The following WDR41 variants were observed in gnomAD, a reference collection of about 807,000 sequenced individuals.
WDR41 encodes WD repeat-containing protein 41.
WDR41 carries 63 observed loss-of-function variants against 69.3 expected under a neutral mutation model. The ratio of observed to expected loss-of-function variants is 0.91; its 90% CI spans 0.74 to 1.12. The LOEUF (loss-of-function observed/expected upper bound fraction) is 1.12. Ranked by LOEUF, WDR41 falls within the 50% of genes most tolerant of loss-of-function variation. The pLI is 0.00. For synonymous variants in WDR41, 185 were observed against 192.1 expected (o/e 0.96, Z 0.31); for missense variants, 543 against 534.5 (o/e 1.02, Z -0.16).
chr5:77,510,831 G>A (rs947038364), intron 1 of WDR41, among the ~76,000 whole-genome samples: 30 of 147,328 alleles, frequency 2.0e-4, no homozygotes, highest in South Asian at 4.4e-4. Context: ...GAGTGCAGTG[G>A]CGTGATCTCG....
At chr5:77,539,576 G>A (rs1408180103) in intron 1 of WDR41, among the ~76,000 whole-genome samples, 2 of 152,128 alleles carry the variant, frequency 1.3e-5, no homozygotes, top group Non-Finnish European at 2.9e-5. Context: ...AGGCAATACA[G>A]TACACAAAAC....
chr5:77,476,222 G>T (rs1360857592), intron 2 of WDR41, among the ~76,000 whole-genome samples: 1 of 152,168 alleles, frequency 6.6e-6, no homozygotes, highest in Non-Finnish European at 1.5e-5. Context: ...GTGACAGGAA[G>T]AATGGAACCA....
intron 2 of WDR41, among the ~76,000 whole-genome samples, chr5:77,468,901 A>G (rs530571570): frequency 9.9e-6 from 1 of 101,438 alleles, no homozygotes; most frequent in East Asian, 2.9e-4. Context: ...TGCTTGATAT[A>G]TCTCTAAAGT....
chr5:77,486,052 T>C (rs557611069), intron 2 of WDR41, among the ~76,000 whole-genome samples: 1 of 152,236 alleles, frequency 6.6e-6, no homozygotes, highest in African/African-American at 2.4e-5. Context: ...TGACAATGCA[T>C]AATGTACATA....
In WDR41 at chr5:77,558,111, A is replaced by C. The variant is rs200535402; in HGVS notation, c.42+62368T>G. The stretch of plus-strand genomic sequence containing the variant: ...GTTCTTTTTAAAAAAAAAAAAAAAA[A>C]AAAAACAAAACAGGAGTAGGTATGT... On this transcript the variant is annotated intron_variant, in intron 1 of 5. Coordinates refer to the WDR41 transcript ENST00000509971. 5.9e-4 allele frequency among the ~76,000 whole-genome samples: 88 copies of C among 149,458 alleles called. 2 individuals carry two copies. In the East Asian group the frequency reaches 8.9e-3, roughly 15 times the overall value.
chr5:77,495,763 T>C (rs1237069621), upstream of WDR41, among the ~76,000 whole-genome samples: 5 of 150,742 alleles, frequency 3.3e-5, no homozygotes. Flanking sequence ...TTTAACTCCT[T>C]ATACAAGGCC....
rs757352576 is a variant in WDR41, at chr5:77,437,460, G to A, written c.1005-36C>T. On this transcript the variant is annotated intron_variant, in intron 10 of 12. Coordinates refer to ENST00000296679, the MANE Select transcript of WDR41 (RefSeq NM_018268.4). Reference sequence around the variant, plus strand: ...AGAAAATCAGTAATACAAAAAGAGCGCACCACTGAGGGCCAATGCTAAATT... The same window carrying A: ...AGAAAATCAGTAATACAAAAAGAGCACACCACTGAGGGCCAATGCTAAATT... 31 of 1,557,310 alleles carry A rather than the reference G, an allele frequency of 2.0e-5. 1 individual carries two copies. Among genetic ancestry groups the A allele is most frequent in the Admixed American group, 6.7e-5 (4 of 59,914 alleles).
rs557410085 is a variant in WDR41 at position 77,457,915 on chromosome 5, A to C, written c.411+1147T>G. 2.4e-4 allele frequency among the ~76,000 whole-genome samples: 36 copies of C among 152,206 alleles called. No homozygotes were observed. The South Asian group carries it at 7.0e-3, about 30-fold the overall frequency. On this transcript the variant is annotated intron_variant, in intron 5 of 12. Transcript: ENST00000296679. ...AACCCCTTTTAAAACTACTTTCACTATATTGGAATAAGATACTTTTTTAGT... is the reference window on the plus strand; with the variant it reads ...AACCCCTTTTAAAACTACTTTCACTCTATTGGAATAAGATACTTTTTTAGT...
intron 1 of WDR41, among the ~76,000 whole-genome samples, chr5:77,572,403 A>G (rs1743749548): frequency 6.6e-6 from 1 of 152,198 alleles, no homozygotes; most frequent in Non-Finnish European, 1.5e-5. Context: ...AAAGCTCTCA[A>G]GAGTATTCAG....
At chr5:77,526,961 G>A (rs889106903) in intron 1 of WDR41, among the ~76,000 whole-genome samples, 2 of 151,928 alleles carry the variant, frequency 1.3e-5, no homozygotes, top group Non-Finnish European at 2.9e-5. Flanking sequence ...ATTTCAGCTT[G>A]AAACCACATC....
Position 77,464,220 on chromosome 5 carries a change from A to C in WDR41, c.216+541T>G, listed in dbSNP as rs1028161477. Among the ~76,000 whole-genome samples the C allele has an allele frequency of 1.7e-4, 25 of 151,236 alleles. No individual in the cohort carries two copies. The East Asian group carries it at 4.8e-3, about 29-fold the overall frequency. ...ACCTAAATTTTGTTAAATAAGATTAAAATTTTGTATTTTTTGAATTTTCAT... is the reference window on the plus strand; with the variant it reads ...ACCTAAATTTTGTTAAATAAGATTACAATTTTGTATTTTTTGAATTTTCAT... On this transcript the variant is annotated intron_variant, in intron 3 of 12. Transcript: ENST00000296679.
chr5:77,533,473 T>C (rs538287526), intron 1 of WDR41, among the ~76,000 whole-genome samples: 19 of 152,142 alleles, frequency 1.2e-4, no homozygotes, highest in Non-Finnish European at 2.5e-4. Flanking sequence ...AAAACACATA[T>C]ACAAAGATAC....
chr5:77,465,472 A>C (rs367937042), intron 2 of WDR41, among the ~76,000 whole-genome samples: 2 of 152,106 alleles, frequency 1.3e-5, no homozygotes, highest in African/African-American at 4.8e-5. Flanking sequence ...CAAATTCTGT[A>C]GAGTAGAAGA....
At chr5:77,582,225 T>G (rs1277928942) in intron 1 of WDR41, among the ~76,000 whole-genome samples, 1 of 152,206 alleles carries the variant, frequency 6.6e-6, no homozygotes, top group East Asian at 1.9e-4. Context: ...GCCAATAGAT[T>G]ACATAACTTA....
intron 2 of WDR41, among the ~76,000 whole-genome samples, chr5:77,482,942 TAAC>T (rs1411256819): frequency 6.7e-6 from 1 of 150,270 alleles, no homozygotes; most frequent in African/African-American, 2.5e-5. Flanking sequence ...AGGAGGGGGA[TAAC>T]AACCTTTATC....
chr5:77,574,663 A>C (rs1369819219), intron 1 of WDR41, among the ~76,000 whole-genome samples: 1 of 152,186 alleles, frequency 6.6e-6, no homozygotes, highest in East Asian at 1.9e-4. Context: ...TACTTGAGAG[A>C]GCCTAATGAA....
chr5:77,540,864 T>C (rs1743076180), intron 1 of WDR41, among the ~76,000 whole-genome samples: 1 of 152,140 alleles, frequency 6.6e-6, no homozygotes, highest in Non-Finnish European at 1.5e-5. Flanking sequence ...CTAATGAAGG[T>C]GATATTTTGA....
At chr5:77,512,461 G>A (rs1440443850) in intron 1 of WDR41, among the ~76,000 whole-genome samples, 1 of 151,528 alleles carries the variant, frequency 6.6e-6, no homozygotes, top group Non-Finnish European at 1.5e-5. Context: ...CATAAAATTC[G>A]TCAGGCGGGG....
chr5:77,542,312 T>G (rs1743104648), intron 1 of WDR41, among the ~76,000 whole-genome samples: 1 of 151,936 alleles, frequency 6.6e-6, no homozygotes, highest in Non-Finnish European at 1.5e-5. Flanking sequence ...TCAGGAAAAA[T>G]AGCTAATGGG....
Sources: allele counts gnomAD v4.1 joint callset (sites outside exome capture counted in the v4.1 genomes callset), GRCh38; gene constraint gnomAD v4.1.1; transcripts MANE v1.5; gene names NCBI Gene and HGNC (gene_info 2026-07-23, HGNC 2026-07-21).